NPAS3: variants seen among roughly 807,000 people sequenced by gnomAD.
NPAS3 encodes neuronal PAS domain protein 3, also known as neuronal PAS domain-containing protein 3.
A neutral mutation model predicts 73.1 loss-of-function variants in NPAS3; 14 were observed. That is an observed-to-expected ratio of 0.19 (90% CI 0.13 to 0.30). The LOEUF is 0.30. Ranked by LOEUF, NPAS3 falls within the 10% of genes least tolerant of loss-of-function variation. The pLI, the probability that NPAS3 is intolerant of heterozygous loss-of-function variation, is 1.00. For synonymous variants in NPAS3, 620 were observed against 541.5 expected, an observed-to-expected ratio of 1.14 and a Z score of -2.01; for missense variants, 1,096 against 1,250.0, an observed-to-expected ratio of 0.88 and a Z score of 1.86.
chr14:33,179,010 T>G (rs1169238099), intron 2 of NPAS3, among the ~76,000 whole-genome samples: 2 of 152,224 alleles, frequency 1.3e-5, no homozygotes, highest in African/African-American at 4.8e-5. Flanking sequence ...TTATCTGAAT[T>G]TTTAAATAAT....
intron 3 of NPAS3, among the ~76,000 whole-genome samples, chr14:33,280,265 C>A: frequency 6.6e-6 from 1 of 151,940 alleles, no homozygotes; most frequent in African/African-American, 2.4e-5. Context: ...TATGGTCACC[C>A]AACTTATAAG....
intron 2 of NPAS3, among the ~76,000 whole-genome samples, chr14:33,098,151 T>C (rs951050619): frequency 1.3e-5 from 2 of 152,212 alleles, no homozygotes; most frequent in African/African-American, 4.8e-5. Flanking sequence ...ATTAATTTTG[T>C]GTATGGCATG....
intron 7 of NPAS3, among the ~76,000 whole-genome samples, chr14:33,744,881 A>T (rs1046393343): frequency 4.0e-4 from 61 of 152,296 alleles, no homozygotes; most frequent in African/African-American, 1.4e-3. Context: ...AGCACATGCT[A>T]TTGGAAAAAT....
chr14:33,475,745 G>A (rs1004691654), intron 4 of NPAS3, among the ~76,000 whole-genome samples: 1 of 152,130 alleles, frequency 6.6e-6, no homozygotes, highest in African/African-American at 2.4e-5. Context: ...TGAATTGCCT[G>A]AGGAAATGCT....
At chr14:33,564,741 C>T (rs967519241) in intron 5 of NPAS3, among the ~76,000 whole-genome samples, 6 of 152,298 alleles carry the variant, frequency 3.9e-5, no homozygotes, top group Middle Eastern at 3.4e-3. Context: ...AACATTTTTT[C>T]TGGAAAGTGA....
At chr14:33,182,538 A>G (rs992973562) in intron 2 of NPAS3, among the ~76,000 whole-genome samples, 1 of 152,224 alleles carries the variant, frequency 6.6e-6, no homozygotes, top group Admixed American at 6.5e-5. Flanking sequence ...GTATTACTTG[A>G]TAATAATTAC....
chr14:33,428,377 T>C (rs2048641483), intron 4 of NPAS3, among the ~76,000 whole-genome samples: 1 of 152,152 alleles, frequency 6.6e-6, no homozygotes, highest in Non-Finnish European at 1.5e-5. Context: ...GAGCACTTGA[T>C]AAATGGTAGC....
rs961613387 is a variant in NPAS3, at chr14:33,263,765, G to C, written c.385+48339G>C. 3.3e-5 allele frequency among the ~76,000 whole-genome samples: 5 copies of C among 152,138 alleles called. No individual in the cohort carries two copies. The South Asian group carries it at 6.2e-4, about 19-fold the overall frequency. ...TTCCTACCCATGAGCATGGAATGTTGTTCCATTTGTTTGTATCCTCTTTTA... is the reference window on the plus strand; with the variant it reads ...TTCCTACCCATGAGCATGGAATGTTCTTCCATTTGTTTGTATCCTCTTTTA... On this transcript the variant is annotated intron_variant, in intron 3 of 11. Coordinates refer to ENST00000356141, the Ensembl canonical transcript of NPAS3.
intron 4 of NPAS3, among the ~76,000 whole-genome samples, chr14:33,501,909 A>G (rs1490365281): frequency 6.6e-6 from 1 of 151,948 alleles, no homozygotes; most frequent in Admixed American, 6.6e-5. Context: ...GAGCACATTT[A>G]TACGTTAAGA....
At chr14:33,198,919 G>A (rs1458690756) in intron 2 of NPAS3, among the ~76,000 whole-genome samples, 1 of 152,210 alleles carries the variant, frequency 6.6e-6, no homozygotes, top group Admixed American at 6.5e-5. Flanking sequence ...TTTGAGCGCG[G>A]CGTGGATGGG....
At chr14:33,295,725 A>C (rs891009488) in intron 3 of NPAS3, among the ~76,000 whole-genome samples, 1 of 152,212 alleles carries the variant, frequency 6.6e-6, no homozygotes, top group Non-Finnish European at 1.5e-5. Context: ...AGAGGTATTT[A>C]TAGAGTCCAT....
chr14:33,067,930 C>G (rs1305889696), intron 2 of NPAS3, among the ~76,000 whole-genome samples: 1 of 152,178 alleles, frequency 6.6e-6, no homozygotes, highest in Non-Finnish European at 1.5e-5. Context: ...CTCAAATATT[C>G]TTTTAGTAGC....
At chr14:33,633,557 C>T (rs904697391) in intron 5 of NPAS3, among the ~76,000 whole-genome samples, 1 of 152,204 alleles carries the variant, frequency 6.6e-6, no homozygotes, top group Admixed American at 6.5e-5. Context: ...CAGCATGTTA[C>T]TGTACTGCAT....
chr14:33,543,123 G>A (rs2054596385), intron 4 of NPAS3, among the ~76,000 whole-genome samples: 1 of 152,170 alleles, frequency 6.6e-6, no homozygotes, highest in South Asian at 2.1e-4. Flanking sequence ...ACCTTGCCAA[G>A]TGTTCATTTC....
At chr14:33,163,748 G>T (rs2045009042) in intron 2 of NPAS3, among the ~76,000 whole-genome samples, 1 of 150,024 alleles carries the variant, frequency 6.7e-6, no homozygotes, top group Non-Finnish European at 1.5e-5. Flanking sequence ...GCTAGTTTAA[G>T]TAATGTGCCA....
chr14:33,239,215 G>A (rs1182071394), intron 3 of NPAS3, among the ~76,000 whole-genome samples: 1 of 151,792 alleles, frequency 6.6e-6, no homozygotes, highest in Non-Finnish European at 1.5e-5. Flanking sequence ...TTAGTTAAGT[G>A]ATAAAGGGGA....
chr14:33,177,181 C>T (rs1029415635), intron 2 of NPAS3, among the ~76,000 whole-genome samples: 1 of 151,110 alleles, frequency 6.6e-6, no homozygotes, highest in Non-Finnish European at 1.5e-5. Flanking sequence ...GGTGCAACCT[C>T]CACGTCCCAG....
chr14:33,209,734 A>C (rs960034847), intron 2 of NPAS3, among the ~76,000 whole-genome samples: 3 of 152,222 alleles, frequency 2.0e-5, no homozygotes, highest in Admixed American at 1.3e-4. Context: ...CCTTAGAAGT[A>C]CTTTAAAAAG....
chr14:32,975,879 G>GTA (rs2037649854), intron 1 of NPAS3, among the ~76,000 whole-genome samples: 3 of 115,500 alleles, frequency 2.6e-5, no homozygotes, highest in African/African-American at 8.2e-5. Context: ...GTGTGTGTGT[G>GTA]TGTGTGTGTG....
Sources: allele counts gnomAD v4.1 joint callset (sites outside exome capture counted in the v4.1 genomes callset), GRCh38; gene constraint gnomAD v4.1.1; transcripts MANE v1.5; gene names NCBI Gene and HGNC (gene_info 2026-07-23, HGNC 2026-07-21).